KIAA1755: variants seen among roughly 807,000 people sequenced by gnomAD.
KIAA1755 encodes uncharacterized protein KIAA1755.
In KIAA1755, 68 loss-of-function variants were observed where a neutral mutation model predicts 91.7. The ratio of observed to expected loss-of-function variants is 0.74; its 90% CI spans 0.61 to 0.91. The LOEUF (loss-of-function observed/expected upper bound fraction) is 0.91, where lower values mean the gene tolerates loss of function less well. KIAA1755 is among the 40% of genes least tolerant of loss of function. The pLI, the probability that KIAA1755 is intolerant of heterozygous loss-of-function variation, is 0.00. For missense variants in KIAA1755, 1,535 were observed against 1,494.4 expected, an observed-to-expected ratio of 1.03 and a Z score of -0.45; for synonymous variants, 610 against 604.6, an observed-to-expected ratio of 1.01 and a Z score of -0.13.
chr20:38,219,383 G>T (rs2075613205), intron 11 of KIAA1755, among the ~76,000 whole-genome samples: 1 of 152,216 alleles, frequency 6.6e-6, no homozygotes, highest in African/African-American at 2.4e-5. Context: ...CTGGCCCAGG[G>T]CTTGGCACAG....
chr20:38,252,548 A>G (rs1294881876), intron 1 of KIAA1755, among the ~76,000 whole-genome samples: 1 of 152,152 alleles, frequency 6.6e-6, no homozygotes, highest in African/African-American at 2.4e-5. Context: ...GGGCCTGCCA[A>G]GTCTGCCCAG....
chr20:38,217,198 A>G lies in KIAA1755; in HGVS notation c.2901+55T>C, dbSNP rs145661534. The G allele has an allele frequency of 1.4e-3, 2,098 of 1,460,706 alleles. 24 individuals carry two copies. In the African/African-American group the frequency reaches 0.025, roughly 17 times the overall value. The allele number at this position is 1,460,706 out of a possible 1,614,324, so 90.5% of individuals were successfully genotyped here. A position where few individuals can be genotyped will look rare whatever the true frequency, so the allele number is the denominator to read the frequency against. Reference sequence around the variant, plus strand: ...GTGTCTAGGTATCCCTGTCCCCACCATAGCCCCAGCCAGGGGATCGGGGGG... The same window carrying G: ...GTGTCTAGGTATCCCTGTCCCCACCGTAGCCCCAGCCAGGGGATCGGGGGG... On this transcript the variant is annotated intron_variant, in intron 13 of 13. Transcript: ENST00000279024.
At chr20:38,242,059 C>T in intron 2 of KIAA1755, 130 bp from the exon 3 acceptor site, 1 of 884,640 alleles carries the variant, frequency 1.1e-6, no homozygotes, top group South Asian at 1.7e-5. Context: ...ATTTAGGAGG[C>T]ACTCACTGTC....
chr20:38,220,221 G>C (rs1347968034), intron 10 of KIAA1755, among the ~76,000 whole-genome samples: 1 of 151,706 alleles, frequency 6.6e-6, no homozygotes, highest in Non-Finnish European at 1.5e-5. Flanking sequence ...TGCCCTGGGA[G>C]CTTTAACAAA....
intron 10 of KIAA1755, among the ~76,000 whole-genome samples, chr20:38,220,393 C>A (rs146813537): frequency 5.4e-4 from 81 of 151,372 alleles, no homozygotes; most frequent in African/African-American, 1.9e-3. Flanking sequence ...CCATTCACTG[C>A]AACCTCTGCC....
chr20:38,235,283 T>C (rs951575287), intron 4 of KIAA1755, among the ~76,000 whole-genome samples: 1 of 152,146 alleles, frequency 6.6e-6, no homozygotes, highest in Non-Finnish European at 1.5e-5. Context: ...TTAGGGATTT[T>C]CCAGTGGAAA....
chr20:38,226,506 A>C (rs2075760091), intron 7 of KIAA1755, among the ~76,000 whole-genome samples: 1 of 152,202 alleles, frequency 6.6e-6, no homozygotes. Context: ...AGAGATCAGT[A>C]AGCACATTAA....
chr20:38,245,137 G>A (rs1241080266), intron 2 of KIAA1755, among the ~76,000 whole-genome samples: 1 of 152,202 alleles, frequency 6.6e-6, no homozygotes, highest in Non-Finnish European at 1.5e-5. Flanking sequence ...ATTGGTCCAG[G>A]AATGGGCATA....
At chr20:38,219,541 C>A (rs2075616871) in intron 11 of KIAA1755, 89 bp downstream of exon 11, 3 of 1,540,208 alleles carry the variant, frequency 1.9e-6, no homozygotes, top group Non-Finnish European at 1.8e-6. Context: ...GAACAAAGCA[C>A]CTGACTAGGG....
At chr20:38,255,046 G>A (rs2076316550) in intron 1 of KIAA1755, among the ~76,000 whole-genome samples, 1 of 151,940 alleles carries the variant, frequency 6.6e-6, no homozygotes. Flanking sequence ...GTGTGGTGGC[G>A]GGTGCTGAAA....
intron 1 of KIAA1755, among the ~76,000 whole-genome samples, chr20:38,250,494 G>GTGTGTGTGTGTGTGTC (rs2076229870): frequency 2.3e-5 from 3 of 131,974 alleles, no homozygotes; most frequent in Admixed American, 8.2e-5. Flanking sequence ...TATGGTGTGT[G>GTGTGTGTGTGTGTGTC]TGTGTGTGTG....
At chr20:38,225,837 G>C (rs2075748010) in intron 7 of KIAA1755, 56 bp from the exon 8 acceptor site, 2 of 1,090,554 alleles carry the variant, frequency 1.8e-6, no homozygotes, top group Admixed American at 2.6e-5. Flanking sequence ...AGTCATTTTA[G>C]AAGGTCCTGC....
intron 8 of KIAA1755, among the ~76,000 whole-genome samples, chr20:38,224,012 A>G (rs1483647766): frequency 3.3e-5 from 5 of 152,164 alleles, no homozygotes; most frequent in Admixed American, 3.3e-4. Flanking sequence ...GGAAGAGGGC[A>G]GAGTTAGGGG....
Position 38,260,688 on chromosome 20 carries a change from C to G in KIAA1755, c.-188G>C, listed in dbSNP as rs977826354. The G allele has an allele frequency of 6.6e-5, 36 of 541,966 alleles. No homozygotes were observed. The highest frequency in any genetic ancestry group is 6.6e-4 in the African/African-American group (33 of 50,346). 33.6% of individuals were successfully genotyped at this position (541,966 alleles called of 1,614,324 possible). A position where few individuals can be genotyped will look rare whatever the true frequency, so the allele number is the denominator to read the frequency against. On this transcript the variant is annotated 5_prime_UTR_variant, in exon 1 of 14. Transcript: ENST00000279024. ...CGGCCGGGGAGGACAGGGAGAGAGA[C>G]TGAGAGAGAGACAGAGAGGGACTGA...
chr20:38,232,497 G>A (rs1484319682), intron 4 of KIAA1755, among the ~76,000 whole-genome samples: 3 of 151,746 alleles, frequency 2.0e-5, no homozygotes, highest in South Asian at 2.1e-4. Context: ...GCATGGTGGC[G>A]GGCGCCTGTA....
intron 9 of KIAA1755, 40 bp downstream of exon 9, chr20:38,223,498 G>T: frequency 6.9e-7 from 1 of 1,445,542 alleles, no homozygotes; most frequent in Non-Finnish European, 9.4e-7. Flanking sequence ...GGGGTCTGGG[G>T]TGTGATGTAG....
Position 38,217,463 on chromosome 20 carries a change from G to A in KIAA1755, c.2691C>T (p.Arg897=), listed in dbSNP as rs1478610858. Reference sequence around the variant, plus strand: ...CCTGCTTGGACAGCTCCAGGCCTCGGCGGTACTGGGCCTGAGAGGGGAGAG... The same window carrying A: ...CCTGCTTGGACAGCTCCAGGCCTCGACGGTACTGGGCCTGAGAGGGGAGAG... ...NFFLQAAAQY[R]RGLELSKQAA... The change falls in exon 13 of 14, where the codon CGC becomes CGT. Residue 897 remains arginine, a synonymous_variant. Coordinates refer to ENST00000279024, the MANE Select transcript of KIAA1755 (RefSeq NM_001029864.2). 2 of 1,606,444 alleles carry A rather than the reference G, an allele frequency of 1.2e-6. No homozygotes were observed. Among genetic ancestry groups the A allele is most frequent in the South Asian group, 2.2e-5 (2 of 89,740 alleles).
At chr20:38,220,572 C>G (rs2075639896) in intron 10 of KIAA1755, among the ~76,000 whole-genome samples, 1 of 152,310 alleles carries the variant, frequency 6.6e-6, no homozygotes, top group East Asian at 1.9e-4. Flanking sequence ...CCTCAGCCTC[C>G]AAAAGTGCTG....
Position 38,240,674 on chromosome 20 carries a change from G to C in KIAA1755, c.1457C>G (p.Pro486Arg), listed in dbSNP as rs202213297. 9 of 1,546,836 alleles carry C rather than the reference G, an allele frequency of 5.8e-6. No homozygotes were observed. The East Asian group carries it at 6.8e-5, about 12-fold the overall frequency. Residue 486 changes from proline to arginine, a missense_variant, in exon 3 of 14, where the codon CCG becomes CGG. Physicochemically the swap from Pro to Arg is moderately radical, Grantham distance 103. Coordinates refer to ENST00000279024, the MANE Select transcript of KIAA1755 (RefSeq NM_001029864.2). ...ATTGTGCTGGAGTGAGGCTTTCTCC[G>C]GGGTCACAGAGGGTTGCCTCTGCCC... Reference protein sequence around the residue: ...LRGQRQPSVTPEKASLQHNGP... With the variant: ...LRGQRQPSVTREKASLQHNGP...
Sources: allele counts gnomAD v4.1 joint callset (sites outside exome capture counted in the v4.1 genomes callset), GRCh38; gene constraint gnomAD v4.1.1; transcripts MANE v1.5; gene names NCBI Gene and HGNC (gene_info 2026-07-23, HGNC 2026-07-21).